KIF1A: variants seen among roughly 807,000 people sequenced by gnomAD.
KIF1A encodes kinesin family member 1A.
Under a neutral mutation model 227.3 loss-of-function variants are expected in KIF1A, and 46 were observed. That is an observed-to-expected ratio of 0.20 (90% confidence interval 0.16 to 0.26). KIF1A has a LOEUF of 0.26. Among genes scored for constraint, KIF1A ranks in the 10% least tolerant of loss-of-function variants. The probability of loss-of-function intolerance (pLI) is 1.00; values close to 1 mark genes in which losing one functional copy is unlikely to be tolerated. For synonymous variants in KIF1A, 1,022 were observed against 1,012.8 expected (o/e 1.01, Z -0.17); for missense variants, 1,683 against 2,485.9 (o/e 0.68, Z 6.87).
chr2:240,762,801 G>A lies in KIF1A; in HGVS notation c.2034C>T (p.Ser678=), dbSNP rs779188871. ...LLEQQRLDYE[S]KLEALQKQMD... ...TCTGCTTCTGCAGAGCCTCCAGCTT[G>A]CTCTCATAGTCCTGCAGAAAGCAAG... The change falls in exon 23 of 49, where the codon AGC becomes AGT. Residue 678 remains serine, a synonymous_variant. Transcript: ENST00000498729. The A allele has an allele frequency of 6.3e-7, 1 of 1,594,682 alleles. No homozygotes were observed. Among genetic ancestry groups the A allele is most frequent in the Non-Finnish European group, 8.6e-7 (1 of 1,167,806 alleles).
chr2:240,758,118 A>AGT lies in KIF1A; in HGVS notation c.2582+240_2582+241dup, dbSNP rs1343329252. Among the ~76,000 whole-genome samples the AGT allele has an allele frequency of 3.3e-5, 5 of 152,216 alleles. No homozygotes were observed. The highest frequency in any genetic ancestry group is 1.2e-4 in the African/African-American group (5 of 41,464). On this transcript the variant is annotated intron_variant, in intron 26 of 48. Coordinates refer to ENST00000498729, the MANE Select transcript of KIF1A (RefSeq NM_001244008.2). The surrounding 1 kb of genome is among the most constrained non-coding windows in gnomAD (Gnocchi z 5.2). ...TGGGTTCTGGCGGCTACAGCCCTGC[A>AGT]GTGGGTTTGGGTGGCAGTGCCAAGA...
chr2:240,790,498 A>T lies in KIF1A; in HGVS notation c.107-1186T>A, dbSNP rs1012431712. Among the ~76,000 whole-genome samples the T allele has an allele frequency of 1.3e-5, 2 of 152,028 alleles. No homozygotes were observed. Among genetic ancestry groups the T allele is most frequent in the Non-Finnish European group, 2.9e-5 (2 of 68,004 alleles). On this transcript the variant is annotated intron_variant, in intron 2 of 48. Transcript: ENST00000498729. This position sits in a 1 kb window ranked among gnomAD's most constrained non-coding sequence, Gnocchi z 5.0. ...CTCCGTGCCAGCATGCACCCTGGGG[A>T]CCTGCCACCAGGACCACGGAGAACA...
chr2:240,731,410 C>T (rs1575535053), intron 38 of KIF1A, among the ~76,000 whole-genome samples: 1 of 152,318 alleles, frequency 6.6e-6, no homozygotes, highest in East Asian at 1.9e-4. Flanking sequence ...CCTGGCTCCA[C>T]CAGCAGCGCT....
intron 1 of KIF1A, among the ~76,000 whole-genome samples, chr2:240,816,549 G>A (rs966428822): frequency 2.0e-5 from 3 of 152,138 alleles, no homozygotes; most frequent in South Asian, 2.1e-4. Flanking sequence ...CTGAAATCTG[G>A]CAGGGATGGC....
chr2:240,773,802 C>A (rs1398556202), intron 12 of KIF1A, among the ~76,000 whole-genome samples: 1 of 152,152 alleles, frequency 6.6e-6, no homozygotes, highest in Non-Finnish European at 1.5e-5. Flanking sequence ...GGCCCAGGCT[C>A]CCCACCCCAG....
In KIF1A at chr2:240,725,228, AC is replaced by A; in HGVS notation, c.4256+42del. On this transcript the variant is annotated intron_variant, in intron 40 of 48. Transcript: ENST00000498729. This position sits in a 1 kb window ranked among gnomAD's most constrained non-coding sequence, Gnocchi z 5.8. ...AGAGCCCTGCCTGGCCCGCACCGAG[AC>A]CAGGGTGGGAGTCCATGTGGTCCTC... is the stretch of plus-strand genomic sequence containing the variant. The A allele has an allele frequency of 6.4e-7, 1 of 1,563,660 alleles. No individual in the cohort carries two copies. The highest frequency in any genetic ancestry group is 8.7e-7 in the Non-Finnish European group (1 of 1,154,676).
chr2:240,744,125 G>A (rs2048318672), intron 32 of KIF1A, 65 bp from the exon 33 acceptor site: 1 of 1,093,554 alleles, frequency 9.1e-7, no homozygotes, highest in Admixed American at 1.7e-5. Context: ...GGGAAGGAGA[G>A]TCACATCAGT....
chr2:240,745,649 G>A (rs1425141374), intron 31 of KIF1A, 89 bp downstream of exon 31: 1 of 1,524,272 alleles, frequency 6.6e-7, no homozygotes, highest in Non-Finnish European at 8.9e-7. Context: ...GCACCAACAT[G>A]GCCTGCTCCC....
intron 29 of KIF1A, among the ~76,000 whole-genome samples, chr2:240,746,726 C>T (rs2048641930): frequency 1.3e-5 from 2 of 152,342 alleles, no homozygotes; most frequent in African/African-American, 2.4e-5. Context: ...GACCTTCCTC[C>T]ACCACTCTCT....
At position 240,788,046 on chromosome 2, in the gene KIF1A, C is replaced by T. The variant is rs945707797; in HGVS notation, c.363+5G>A. 5 of 1,173,670 alleles carry T rather than the reference C, an allele frequency of 4.3e-6. No individual in the cohort carries two copies. The highest frequency in any genetic ancestry group is 6.0e-6 in the Non-Finnish European group (5 of 827,402). The allele number at this position is 1,173,670 out of a possible 1,614,324, so 72.7% of individuals were successfully genotyped here. On this transcript the variant is annotated splice_donor_5th_base_variant and intron_variant, in intron 4 of 48. Coordinates refer to ENST00000498729, the MANE Select transcript of KIF1A (RefSeq NM_001244008.2). This position sits in a 1 kb window ranked among gnomAD's most constrained non-coding sequence, Gnocchi z 6.6. ...GGCTGCCCCCGCCCGCCCCCCGCTT[C>T]GTGCCTGTGGGATGATGCCCTGCTG...
Position 240,721,561 on chromosome 2 carries a change from T to G in KIF1A, c.4743+246A>C, listed in dbSNP as rs2060193. Among the ~76,000 whole-genome samples, 3 of 152,246 alleles carry G rather than the reference T, an allele frequency of 2.0e-5. No homozygotes were observed. In the South Asian group the frequency reaches 6.2e-4, roughly 32 times the overall value. ...CAGGAAGACAGCAGAAGCCTGCAAG[T>G]GCATGGGTGCATCCAAGGCCACAGG... On this transcript the variant is annotated intron_variant, in intron 44 of 48. Transcript: ENST00000498729.
intron 27 of KIF1A, among the ~76,000 whole-genome samples, chr2:240,754,229 C>T (rs1174087586): frequency 6.6e-6 from 1 of 152,158 alleles, no homozygotes; most frequent in East Asian, 1.9e-4. Context: ...GAAAAGGACC[C>T]CGGAGGTCTG....
At chr2:240,767,045 C>A in intron 18 of KIF1A, 24 bp from the exon 19 acceptor site, 1 of 1,563,980 alleles carries the variant, frequency 6.4e-7, no homozygotes. Context: ...GCACCATCAG[C>A]ACGGCAGCTG....
In KIF1A at chr2:240,723,478, G is replaced by T; in HGVS notation, c.4399C>A (p.Pro1467Thr). 6.4e-7 allele frequency: 1 copy of T among 1,552,108 alleles called. No individual in the cohort carries two copies. Among genetic ancestry groups the T allele is most frequent in the Admixed American group, 1.9e-5 (1 of 51,352 alleles). The change falls in exon 42 of 49, where the codon CCC becomes ACC. Residue 1467 changes from proline (P) to threonine (T), a missense_variant. Coordinates refer to ENST00000498729, the MANE Select transcript of KIF1A (RefSeq NM_001244008.2). ...TCCAGAATGAGACTGTCACTCCGGG[G>T]CCTCCAGCCTGCCAGGTTCTCCTCG... ...RGEENLAGWR[P>T]RSDSLILDHQ...
chr2:240,781,768 G>C lies in KIF1A; in HGVS notation c.882+822C>G, dbSNP rs1220684960. On this transcript the variant is annotated intron_variant, in intron 10 of 48. Coordinates refer to ENST00000498729, the MANE Select transcript of KIF1A (RefSeq NM_001244008.2). ...CAGTTCCCCACACAGTTCCCCACAG[G>C]GGCCCTCAGCTTCCTCGCCTGGCTC... 3.1e-6 allele frequency: 3 copies of C among 977,698 alleles called. No individual in the cohort carries two copies. In the East Asian group the frequency reaches 3.4e-4, roughly 111 times the overall value. 60.6% of individuals were successfully genotyped at this position (977,698 alleles called of 1,614,324 possible).
At chr2:240,761,068 C>T (rs2050461801) in intron 24 of KIF1A, among the ~76,000 whole-genome samples, 161 bp downstream of exon 24, 1 of 152,206 alleles carries the variant, frequency 6.6e-6, no homozygotes, top group African/African-American at 2.4e-5. Context: ...TCTGGGCTCC[C>T]TCACTGCCCA....
intron 43 of KIF1A, among the ~76,000 whole-genome samples, 189 bp from the exon 44 acceptor site, chr2:240,722,073 T>C (rs1306161715): frequency 1.3e-5 from 2 of 152,060 alleles, no homozygotes; most frequent in Non-Finnish European, 2.9e-5. Flanking sequence ...TCTCCCAGGG[T>C]CAGGCACCGG....
In KIF1A at chr2:240,722,523, A is replaced by G; in HGVS notation, c.4598T>C (p.Leu1533Pro). 1 of 1,548,202 alleles carries G rather than the reference A, an allele frequency of 6.5e-7. No individual in the cohort carries two copies. The highest frequency in any genetic ancestry group is 8.7e-7 in the Non-Finnish European group (1 of 1,146,636). ...SHGSSSASSP[L>P]SAEGRPSPLE... ...GGGTGATGGGCGGCCCTCAGCCGAG[A>G]GCGGGGAGGAGGCGCTGGAGGAGCC... The change falls in exon 43 of 49, where the codon CTC becomes CCC. Residue 1533 changes from leucine (L) to proline (P), a missense_variant. Coordinates refer to ENST00000498729, the MANE Select transcript of KIF1A (RefSeq NM_001244008.2).
chr2:240,757,711 C>T lies in KIF1A; in HGVS notation c.2583-117G>A. 1 of 940,928 alleles carries T rather than the reference C, an allele frequency of 1.1e-6. No homozygotes were observed. Among genetic ancestry groups the T allele is most frequent in the Non-Finnish European group, 1.6e-6 (1 of 634,660 alleles). The allele number at this position is 940,928 out of a possible 1,614,324, so 58.3% of individuals were successfully genotyped here. On this transcript the variant is annotated intron_variant, in intron 26 of 48. Coordinates refer to ENST00000498729, the MANE Select transcript of KIF1A (RefSeq NM_001244008.2). The surrounding 1 kb of genome is among the most constrained non-coding windows in gnomAD (Gnocchi z 6.2). ...TAAAACCAAAACCAAACACACAGAC[C>T]ATCGAGAATGCTGCTTTAAAAGATG...
Sources: gnomAD v4.1 joint callset for allele counts (sites outside exome capture counted in the v4.1 genomes callset) on GRCh38, gnomAD v4.1.1 for gene constraint, Gnocchi (gnomAD v3.1) non-coding constraint, MANE v1.5 for transcripts, NCBI Gene and HGNC (gene_info 2026-07-23, HGNC 2026-07-21) for gene names.